CHST11: variants seen among roughly 807,000 people sequenced by gnomAD.
CHST11 encodes C4S-1.
In CHST11, 9 loss-of-function variants were observed where a neutral mutation model predicts 30.4. That is an observed-to-expected ratio of 0.30 (90% CI 0.18 to 0.52). The LOEUF is 0.52. Ranked by LOEUF, CHST11 falls within the 20% of genes least tolerant of loss-of-function variation. CHST11 has a pLI of 0.97. For synonymous variants in CHST11, 152 were observed against 187.8 expected, an observed-to-expected ratio of 0.81 and a Z score of 1.56; for missense variants, 348 against 460.6, an observed-to-expected ratio of 0.76 and a Z score of 2.24.
intron 1 of CHST11, among the ~76,000 whole-genome samples, chr12:104,470,534 A>G (rs973764217): frequency 6.6e-6 from 1 of 152,212 alleles, no homozygotes; most frequent in Non-Finnish European, 1.5e-5. Context: ...TTGGATGGGG[A>G]CACAGTCAAA....
intron 1 of CHST11, among the ~76,000 whole-genome samples, chr12:104,467,503 G>T (rs899477023): frequency 6.6e-6 from 1 of 152,204 alleles, no homozygotes; most frequent in Admixed American, 6.5e-5. Context: ...GCCAGTTCTA[G>T]CGGTGGTGGA....
intron 1 of CHST11, among the ~76,000 whole-genome samples, chr12:104,488,615 A>T (rs373670807): frequency 8.5e-5 from 10 of 117,468 alleles, no homozygotes; most frequent in Admixed American, 4.3e-4. Flanking sequence ...GTGTGTATGT[A>T]TGTGTGCATG....
At position 104,760,170 on chromosome 12, in the gene CHST11, G is replaced by C. The variant is rs1375547628; in HGVS notation, c.*2367G>C. The C allele has an allele frequency of 5.3e-5, 8 of 152,036 alleles. No homozygotes were observed. 9.4% of individuals were successfully genotyped at this position (152,036 alleles called of 1,614,324 possible). A position where few individuals can be genotyped will look rare whatever the true frequency, so the allele number is the denominator to read the frequency against. On this transcript the variant is annotated 3_prime_UTR_variant, in exon 3 of 3. Coordinates refer to ENST00000303694, the MANE Select transcript of CHST11 (RefSeq NM_018413.6). ...TTTTGCAGATCACCCCACAGAGCTA[G>C]GGTTCCACCGAGTATACTTTGCTTA... is the stretch of plus-strand genomic sequence containing the variant.
At chr12:104,463,464 C>T (rs1187293425) in intron 1 of CHST11, among the ~76,000 whole-genome samples, 1 of 152,196 alleles carries the variant, frequency 6.6e-6, no homozygotes, top group Non-Finnish European at 1.5e-5. Flanking sequence ...TGTTCTCCTC[C>T]TCCCCAGCCC....
chr12:104,466,469 C>T (rs1478848163), intron 1 of CHST11, among the ~76,000 whole-genome samples: 1 of 152,186 alleles, frequency 6.6e-6, no homozygotes, highest in Non-Finnish European at 1.5e-5. Flanking sequence ...CCCTCGTGAC[C>T]CCATCTCCAT....
chr12:104,620,503 G>A (rs984326832), intron 2 of CHST11, among the ~76,000 whole-genome samples: 8 of 152,168 alleles, frequency 5.3e-5, no homozygotes, highest in African/African-American at 1.9e-4. Context: ...ACCAAGAAAT[G>A]GGCTGATTTA....
At chr12:104,616,313 C>A (rs1375573179) in intron 2 of CHST11, among the ~76,000 whole-genome samples, 1 of 152,170 alleles carries the variant, frequency 6.6e-6, no homozygotes, top group Non-Finnish European at 1.5e-5. Flanking sequence ...TCAGTATTTT[C>A]TATAAACCCT....
chr12:104,571,015 C>A lies in CHST11; in HGVS notation c.119-30891C>A, dbSNP rs1049600536. Among the ~76,000 whole-genome samples, 15 of 152,072 alleles carry A rather than the reference C, an allele frequency of 9.9e-5. 1 individual carries two copies. In the South Asian group the frequency reaches 2.9e-3, roughly 29 times the overall value. On this transcript the variant is annotated intron_variant, in intron 1 of 2. Transcript: ENST00000303694. ...GCACTGTGCTTTTCCTGAATGATAT[C>A]ATCTAATAATTCTCAAAACCAGCCT...
At chr12:104,562,963 T>C (rs553434920) in intron 1 of CHST11, among the ~76,000 whole-genome samples, 1 of 152,352 alleles carries the variant, frequency 6.6e-6, no homozygotes, top group African/African-American at 2.4e-5. Context: ...AGTTTCCCCA[T>C]CTGTGAAATG....
intron 1 of CHST11, among the ~76,000 whole-genome samples, chr12:104,556,367 G>T (rs1419884187): frequency 6.6e-6 from 1 of 152,062 alleles, no homozygotes; most frequent in Non-Finnish European, 1.5e-5. Context: ...CTGGAGTTTG[G>T]CAGGGTGGGT....
At chr12:104,642,194 G>A (rs1232715936) in intron 2 of CHST11, among the ~76,000 whole-genome samples, 1 of 152,052 alleles carries the variant, frequency 6.6e-6, no homozygotes, top group Non-Finnish European at 1.5e-5. Context: ...AATATCATGT[G>A]GCAGTAATTA....
At chr12:104,551,570 G>T (rs2038405485) in intron 1 of CHST11, among the ~76,000 whole-genome samples, 1 of 152,242 alleles carries the variant, frequency 6.6e-6, no homozygotes, top group Admixed American at 6.5e-5. Flanking sequence ...CTTGCGCTGT[G>T]CCAGTGTAAC....
At chr12:104,746,248 A>T (rs1312897550) in intron 2 of CHST11, among the ~76,000 whole-genome samples, 1 of 152,130 alleles carries the variant, frequency 6.6e-6, no homozygotes, top group Non-Finnish European at 1.5e-5. Context: ...CTATTTCCTG[A>T]TGGTTCTGGA....
At chr12:104,674,579 G>A (rs1486719449) in intron 2 of CHST11, among the ~76,000 whole-genome samples, 4 of 152,152 alleles carry the variant, frequency 2.6e-5, no homozygotes, top group Non-Finnish European at 5.9e-5. Context: ...CCACCACCCA[G>A]GACTGTCCCT....
chr12:104,479,792 C>T (rs2037601669), intron 1 of CHST11, among the ~76,000 whole-genome samples: 1 of 152,162 alleles, frequency 6.6e-6, no homozygotes, highest in Non-Finnish European at 1.5e-5. Flanking sequence ...CAAATGTGTT[C>T]CTATGGCTTG....
intron 2 of CHST11, among the ~76,000 whole-genome samples, chr12:104,744,553 T>G (rs2040373841): frequency 6.6e-6 from 1 of 152,188 alleles, no homozygotes; most frequent in Non-Finnish European, 1.5e-5. Context: ...TGTTATTGGT[T>G]GTCTGTTTAC....
At chr12:104,721,049 A>C (rs1431752535) in intron 2 of CHST11, among the ~76,000 whole-genome samples, 1 of 152,158 alleles carries the variant, frequency 6.6e-6, no homozygotes, top group Non-Finnish European at 1.5e-5. Flanking sequence ...AGGAAGACTC[A>C]TGACTTCCCT....
chr12:104,589,356 G>T (rs901336603), intron 1 of CHST11, among the ~76,000 whole-genome samples: 2 of 148,144 alleles, frequency 1.4e-5, no homozygotes, highest in Non-Finnish European at 3.0e-5. Context: ...AGCCAAGATT[G>T]TACCACTGCA....
At chr12:104,480,207 C>T (rs190658118) in intron 1 of CHST11, among the ~76,000 whole-genome samples, 1 of 152,194 alleles carries the variant, frequency 6.6e-6, no homozygotes, top group Admixed American at 6.5e-5. Context: ...CCCGCCCCCC[C>T]CTCCAAATTC....
Sources: gnomAD v4.1 joint callset for allele counts (sites outside exome capture counted in the v4.1 genomes callset) on GRCh38, gnomAD v4.1.1 for gene constraint, MANE v1.5 for transcripts, NCBI Gene and HGNC (gene_info 2026-07-23, HGNC 2026-07-21) for gene names.